The following DMPK variants were observed in gnomAD, a reference collection of about 807,000 sequenced individuals.
The protein encoded by DMPK is myotonin-protein kinase.
Under a neutral mutation model 70.3 loss-of-function variants are expected in DMPK, and 32 were observed. That is an observed-to-expected ratio of 0.46 (90% CI 0.34 to 0.61). The LOEUF (loss-of-function observed/expected upper bound fraction) is 0.61, where lower values mean the gene tolerates loss of function less well. Among genes scored for constraint, DMPK ranks in the 20% least tolerant of loss-of-function variants. DMPK has a pLI of 0.01. For synonymous variants in DMPK, 469 were observed against 390.9 expected (o/e 1.20, Z -2.36); for missense variants, 899 against 886.0 (o/e 1.01, Z -0.19).
rs1568584768 is a variant in DMPK, at chr19:45,779,431, C to T, written c.336+8G>A. The T allele has an allele frequency of 1.2e-6, 2 of 1,613,992 alleles. No homozygotes were observed. Among genetic ancestry groups the T allele is most frequent in the Non-Finnish European group, 1.7e-6 (2 of 1,180,016 alleles). On this transcript the variant is annotated splice_region_variant and intron_variant, in intron 3 of 14. Transcript: ENST00000291270. ...CTCAAAGCCCCCCACGTCCGCCCAG[C>T]CCCTCACCTCGCCCCTCTTCAGCAT...
Position 45,770,249 on chromosome 19 carries a change from G to GCAC in DMPK, c.*238_*239insGTG. Reference sequence around the variant, plus strand: ...AGCAGCAGCAGCAGCAGCAGCAGCAGCAGCAGCAGCAGCAGCATTCCCGGC... The same window carrying GCAC: ...AGCAGCAGCAGCAGCAGCAGCAGCAGCACCAGCAGCAGCAGCAGCATTCCCGGC... On this transcript the variant is annotated 3_prime_UTR_variant, in exon 15 of 15. Coordinates refer to ENST00000291270, the MANE Select transcript of DMPK (RefSeq NM_004409.5). The GCAC allele has an allele frequency of 3.1e-6, 1 of 321,824 alleles. No homozygotes were observed. Among genetic ancestry groups the GCAC allele is most frequent in the Non-Finnish European group, 4.5e-6 (1 of 221,824 alleles). The allele number at this position is 321,824 out of a possible 1,614,324, so 19.9% of individuals were successfully genotyped here. A position where few individuals can be genotyped will look rare whatever the true frequency, so the allele number is the denominator to read the frequency against.
At chr19:45,782,160 C>CCCACA in intron 1 of DMPK, 33 bp downstream of exon 1, 2 of 1,355,540 alleles carry the variant, frequency 1.5e-6, no homozygotes, top group Non-Finnish European at 2.0e-6. Context: ...CACCCCCACC[C>CCCACA]CATCTGCAGG....
At position 45,771,610 on chromosome 19, in the gene DMPK, A is replaced by G. The variant is rs1314607943; in HGVS notation, c.1558T>C (p.Leu520=). 6.8e-6 allele frequency: 11 copies of G among 1,613,890 alleles called. No individual in the cohort carries two copies. Among genetic ancestry groups the G allele is most frequent in the Non-Finnish European group, 9.3e-6 (11 of 1,179,948 alleles). ...TGCAGCAACTCCATCCGCTCCTGCA[A>G]CTGCCGGACGTGTGCCTCTAGGTCC... ...NRDLEAHVRQ[L]QERMELLQAE... The change falls in exon 12 of 15, where the codon TTG becomes CTG. Residue 520 remains leucine (L), a synonymous_variant. Transcript: ENST00000291270.
intron 5 of DMPK, 122 bp downstream of exon 5, chr19:45,778,371 C>T (rs915102677): frequency 1.0e-5 from 14 of 1,401,456 alleles, no homozygotes; most frequent in Non-Finnish European, 1.3e-5. Flanking sequence ...TACTCCCAGG[C>T]ACCCCCCGGT....
Position 45,770,290 on chromosome 19 carries a change from A to C in DMPK, c.*198T>G, listed in dbSNP as rs1352130897. 7 of 771,974 alleles carry C rather than the reference A, an allele frequency of 9.1e-6. No homozygotes were observed. The highest frequency in any genetic ancestry group is 1.2e-5 in the Non-Finnish European group (6 of 481,402). 47.8% of individuals were successfully genotyped at this position (771,974 alleles called of 1,614,324 possible). On this transcript the variant is annotated 3_prime_UTR_variant, in exon 15 of 15. Coordinates refer to ENST00000291270, the MANE Select transcript of DMPK (RefSeq NM_004409.5). ...CATTCCCGGCTACAAGGACCCTTCGAGCCCCGTTCGCCGGCCGCGGACCCG... is the reference window on the plus strand; with the variant it reads ...CATTCCCGGCTACAAGGACCCTTCGCGCCCCGTTCGCCGGCCGCGGACCCG...
At chr19:45,778,849 A>G in intron 4 of DMPK, 1 of 593,322 alleles carries the variant, frequency 1.7e-6, no homozygotes, top group Non-Finnish European at 2.9e-6. Context: ...ACAAACAAAA[A>G]AACTTTCCTG....
chr19:45,772,274 C>A, intron 10 of DMPK: 1 of 374,532 alleles, frequency 2.7e-6, no homozygotes. Context: ...CTCCAGCCTT[C>A]TCAGGAATGA....
At position 45,771,800 on chromosome 19, in the gene DMPK, G is replaced by A; in HGVS notation, c.1473C>T (p.Ala491=). The part of the protein sequence containing the change: ...TRQSLSREME[A]IRTDNQNFAS... The stretch of plus-strand genomic sequence containing the variant: ...CGAAGTTCTGGTTGTCCGTGCGGAT[G>A]GCCTCCATCTCCCGGCTCAGGCTCT... The change falls in exon 11 of 15, where the codon GCC becomes GCT. Residue 491 remains alanine (A), a synonymous_variant. Transcript: ENST00000291270. 1 of 1,569,440 alleles carries A rather than the reference G, an allele frequency of 6.4e-7. No homozygotes were observed. The highest frequency in any genetic ancestry group is 8.6e-7 in the Non-Finnish European group (1 of 1,157,204).
chr19:45,782,116 G>GC, intron 1 of DMPK, 77 bp downstream of exon 1: 1 of 406,492 alleles, frequency 2.5e-6, no homozygotes, highest in Non-Finnish European at 3.7e-6. Flanking sequence ...CCCCCCAACA[G>GC]CCAGGCCTCT....
At chr19:45,782,103 T>A in intron 1 of DMPK, 90 bp downstream of exon 1, 18 of 835,474 alleles carry the variant, frequency 2.2e-5, no homozygotes, top group Middle Eastern at 4.6e-4. Flanking sequence ...CCTGCCATCC[T>A]GCCCCCCCAA....
chr19:45,775,127 C>T lies in DMPK; in HGVS notation c.1147-93G>A, dbSNP rs1229904886. ...CTTACATGTTCCCCCCAAACCAGCC[C>T]CAACTCAGGGCTTATCTAAAGTGGC... On this transcript the variant is annotated intron_variant, in intron 8 of 14. Coordinates refer to ENST00000291270, the MANE Select transcript of DMPK (RefSeq NM_004409.5). 5.1e-6 allele frequency: 5 copies of T among 973,420 alleles called. No individual in the cohort carries two copies. In the East Asian group the frequency reaches 7.8e-5, roughly 15 times the overall value. 60.3% of individuals were successfully genotyped at this position (973,420 alleles called of 1,614,324 possible).
intron 1 of DMPK, 36 bp downstream of exon 1, chr19:45,782,156 CA>C: frequency 1.7e-6 from 2 of 1,190,240 alleles, no homozygotes; most frequent in Non-Finnish European, 2.3e-6. Context: ...GCCCCACCCC[CA>C]CCCCATCTGC....
chr19:45,776,797 G>A (rs1053694392), intron 8 of DMPK: 11 of 152,968 alleles, frequency 7.2e-5, no homozygotes, highest in African/African-American at 2.4e-4. Flanking sequence ...TTCCCTTCAG[G>A]GCACCTGCCA....
At position 45,777,632 on chromosome 19, in the gene DMPK, C is replaced by G. The variant is rs201008625; in HGVS notation, c.882+35G>C. The stretch of plus-strand genomic sequence containing the variant: ...GAGGCGATAGCCTGGGAGCGCCTAC[C>G]GGGAGAGGCCAGGTCTCCCTGCGGC... On this transcript the variant is annotated intron_variant, in intron 7 of 14. Coordinates refer to ENST00000291270, the MANE Select transcript of DMPK (RefSeq NM_004409.5). This position sits in a 1 kb window ranked among gnomAD's most constrained non-coding sequence, Gnocchi z 6.7. 9.3e-6 allele frequency: 15 copies of G among 1,613,160 alleles called. No homozygotes were observed. In the Admixed American group the frequency reaches 1.8e-4, roughly 20 times the overall value.
At chr19:45,771,437 G>A (rs1043288925) in intron 12 of DMPK, 41 bp from the exon 13 acceptor site, 5 of 1,611,018 alleles carry the variant, frequency 3.1e-6, no homozygotes, top group African/African-American at 1.3e-5. Flanking sequence ...GTGGAGGGGC[G>A]AAGGAGGGCG....
In DMPK at chr19:45,777,304, G is replaced by C; in HGVS notation, c.1146+23C>G. 1 of 1,540,594 alleles carries C rather than the reference G, an allele frequency of 6.5e-7. No homozygotes were observed. On this transcript the variant is annotated intron_variant, in intron 8 of 14. Transcript: ENST00000291270. The surrounding 1 kb of genome is among the most constrained non-coding windows in gnomAD (Gnocchi z 6.7). ...GGAGCATGGGGAGGTTCCCGCAGCC[G>C]AGCAGGGGCCACAGGTACCTACCCC...
intron 10 of DMPK, 118 bp from the exon 11 acceptor site, chr19:45,772,046 T>C: frequency 7.5e-7 from 1 of 1,328,642 alleles, no homozygotes; most frequent in Non-Finnish European, 1.0e-6. Flanking sequence ...CCTCAACATT[T>C]CTGGAATCCC....
At position 45,777,608 on chromosome 19, in the gene DMPK, AG is replaced by A; in HGVS notation, c.883-19del. On this transcript the variant is annotated intron_variant, in intron 7 of 14. Transcript: ENST00000291270. This position sits in a 1 kb window ranked among gnomAD's most constrained non-coding sequence, Gnocchi z 6.7. ...AGGTGCTCCTGCTCAGAGGGAGAGG[AG>A]GCGATAGCCTGGGAGCGCCTACCGG... The A allele has an allele frequency of 6.2e-7, 1 of 1,612,890 alleles. No individual in the cohort carries two copies. Among genetic ancestry groups the A allele is most frequent in the South Asian group, 1.1e-5 (1 of 91,050 alleles).
In DMPK at chr19:45,777,223, A is replaced by C; in HGVS notation, c.1146+104T>G. ...GGGCACAGAGCAGGTGCTCTGGGGAATGAGTGATTCAGGACCCCAGAAGGT... is the reference window on the plus strand; with the variant it reads ...GGGCACAGAGCAGGTGCTCTGGGGACTGAGTGATTCAGGACCCCAGAAGGT... On this transcript the variant is annotated intron_variant, in intron 8 of 14. Coordinates refer to ENST00000291270, the MANE Select transcript of DMPK (RefSeq NM_004409.5). The surrounding 1 kb of genome is among the most constrained non-coding windows in gnomAD (Gnocchi z 6.7). The C allele has an allele frequency of 1.4e-6, 2 of 1,403,888 alleles. No homozygotes were observed. The highest frequency in any genetic ancestry group is 1.9e-6 in the Non-Finnish European group (2 of 1,066,070). 87.0% of individuals were successfully genotyped at this position (1,403,888 alleles called of 1,614,324 possible). A position where few individuals can be genotyped will look rare whatever the true frequency, so the allele number is the denominator to read the frequency against.
Sources: allele counts gnomAD v4.1 joint callset, GRCh38; gene constraint gnomAD v4.1.1; non-coding constraint Gnocchi (gnomAD v3.1); transcripts MANE v1.5; gene names NCBI Gene and HGNC (gene_info 2026-07-23, HGNC 2026-07-21).